Variants in OLR1 observed in about 807,000 individuals in gnomAD.
OLR1 encodes oxidized low density lipoprotein receptor 1, also known as oxidized low-density lipoprotein receptor 1.
OLR1 carries 23 observed loss-of-function variants against 31.7 expected under a neutral mutation model. That is an observed-to-expected ratio of 0.72 (90% confidence interval 0.52 to 1.03). The LOEUF (loss-of-function observed/expected upper bound fraction) is 1.03, where lower values mean the gene tolerates loss of function less well. Ranked by LOEUF, OLR1 falls within the 50% of genes least tolerant of loss-of-function variation. The probability of loss-of-function intolerance (pLI) is 0.00; values close to 1 mark genes in which losing one functional copy is unlikely to be tolerated. For synonymous variants in OLR1, 117 were observed against 115.8 expected (o/e 1.01, Z -0.07); for missense variants, 286 against 315.7 (o/e 0.91, Z 0.71).
chr12:10,166,250 G>A (rs867175877), intron 3 of OLR1, among the ~76,000 whole-genome samples: 2 of 151,906 alleles, frequency 1.3e-5, no homozygotes, highest in Non-Finnish European at 2.9e-5. Context: ...AAAATTGACC[G>A]AGAGCGGTGG....
At chr12:10,161,451 A>G (rs543096070) in intron 3 of OLR1, among the ~76,000 whole-genome samples, 2 of 152,322 alleles carry the variant, frequency 1.3e-5, no homozygotes, top group East Asian at 3.9e-4. Context: ...TTAAAATTTC[A>G]TATCTTTGAA....
At position 10,159,856 on chromosome 12, in the gene OLR1, T is replaced by C. The variant is rs758714127; in HGVS notation, c.*24A>G. ...CCAGAATAAAACTCAAAGACTTTTT[T>C]CTTTTCTTCCAGAGCCTTCAAATTC... On this transcript the variant is annotated 3_prime_UTR_variant, in exon 6 of 6. Transcript: ENST00000309539. The C allele has an allele frequency of 1.9e-6, 3 of 1,578,264 alleles. No individual in the cohort carries two copies. Among genetic ancestry groups the C allele is most frequent in the Non-Finnish European group, 2.6e-6 (3 of 1,160,670 alleles).
chr12:10,160,590 A>T, intron 4 of OLR1, 128 bp from the exon 5 acceptor site: 1 of 975,984 alleles, frequency 1.0e-6, no homozygotes, highest in Non-Finnish European at 1.6e-6. Context: ...TGACTGTTTT[A>T]CGGAAACACT....
upstream of OLR1, among the ~76,000 whole-genome samples, chr12:10,175,925 G>C (rs1948762223): frequency 6.6e-6 from 1 of 152,174 alleles, no homozygotes; most frequent in Admixed American, 6.5e-5. Flanking sequence ...TAAGCAATTT[G>C]TTTGGCTACA....
chr12:10,160,012 G>A lies in OLR1; in HGVS notation c.690C>T (p.Val230=). 6.2e-7 allele frequency: 1 copy of A among 1,603,772 alleles called. No homozygotes were observed. The highest frequency in any genetic ancestry group is 1.1e-5 in the South Asian group (1 of 90,254). The change falls in exon 6 of 6, where the codon GTC becomes GTT. Residue 230 remains valine, a synonymous_variant. Transcript: ENST00000309539. The part of the protein sequence containing the change: ...GSPLMPHLFR[V]RGAVSQTYPS... The stretch of plus-strand genomic sequence containing the variant: ...GGTATGTCTGGGAGACAGCGCCTCG[G>A]ACTCTAAATCTGCAGGTAGGAAAAA...
chr12:10,169,252 G>T, intron 1 of OLR1, 77 bp from the exon 2 acceptor site: 1 of 964,928 alleles, frequency 1.0e-6, no homozygotes, highest in Non-Finnish European at 1.5e-6. Flanking sequence ...GAGCCTGTCT[G>T]TACTTGGTGA....
chr12:10,174,025 C>G (rs533864153), upstream of OLR1, among the ~76,000 whole-genome samples: 4 of 151,560 alleles, frequency 2.6e-5, no homozygotes, highest in African/African-American at 9.7e-5. Flanking sequence ...AGCAATAACT[C>G]CTGTGATGGT....
chr12:10,160,032 G>A lies in OLR1; in HGVS notation c.681-11C>T. 6.3e-7 allele frequency: 1 copy of A among 1,585,546 alleles called. No individual in the cohort carries two copies. The highest frequency in any genetic ancestry group is 8.6e-7 in the Non-Finnish European group (1 of 1,165,144). On this transcript the variant is annotated splice_polypyrimidine_tract_variant and intron_variant, in intron 5 of 5. Coordinates refer to ENST00000309539, the MANE Select transcript of OLR1 (RefSeq NM_002543.4). ...CCTCGGACTCTAAATCTGCAGGTAG[G>A]AAAAAACAAAACAAACCAACAAAAA...
intron 1 of OLR1, among the ~76,000 whole-genome samples, chr12:10,170,107 TA>T (rs1411132895): frequency 6.6e-6 from 1 of 152,224 alleles, no homozygotes; most frequent in African/African-American, 2.4e-5. Flanking sequence ...AACCCAAAAA[TA>T]AGTCTTTAGT....
chr12:10,159,898 T>C lies in OLR1; in HGVS notation c.804A>G (p.Ala268=), dbSNP rs1227908282. The part of the protein sequence containing the change: ...LAAFSICQKK[A]NLRAQ ...TTCAAATTCACTGTGCTCTTAGGTT[T>C]GCCTTCTTCTGACATATACTGAAGG... The change falls in exon 6 of 6, where the codon GCA becomes GCG. Residue 268 remains alanine, a synonymous_variant. Coordinates refer to ENST00000309539, the MANE Select transcript of OLR1 (RefSeq NM_002543.4). The C allele has an allele frequency of 3.1e-6, 5 of 1,612,596 alleles. No individual in the cohort carries two copies. The highest frequency in any genetic ancestry group is 4.2e-6 in the Non-Finnish European group (5 of 1,179,376).
rs1243750059 is a variant in OLR1, at chr12:10,159,794, AT to A, written c.*85del. The stretch of plus-strand genomic sequence containing the variant: ...CTAAATGACAGTTTTCTGGGCTCTC[AT>A]GTTTGGCACCCAAGTGACAAAGAAT... On this transcript the variant is annotated 3_prime_UTR_variant, in exon 6 of 6. Transcript: ENST00000309539. 8.3e-5 allele frequency: 115 copies of A among 1,380,174 alleles called. 2 individuals are homozygous for A. The South Asian group carries it at 1.3e-3, about 16-fold the overall frequency. 85.5% of individuals were successfully genotyped at this position (1,380,174 alleles called of 1,614,324 possible).
chr12:10,160,656 G>C lies in OLR1; in HGVS notation c.564+130C>G, dbSNP rs1565419382. ...TCCGTCCAAGGTCATACACAAAATT[G>C]GTGATCAGACTAAGCTAAAAAAACA... On this transcript the variant is annotated intron_variant, in intron 4 of 5. Coordinates refer to ENST00000309539, the MANE Select transcript of OLR1 (RefSeq NM_002543.4). 5 of 1,208,238 alleles carry C rather than the reference G, an allele frequency of 4.1e-6. No homozygotes were observed. The South Asian group carries it at 7.0e-5, about 17-fold the overall frequency. 74.8% of individuals were successfully genotyped at this position (1,208,238 alleles called of 1,614,324 possible).
At chr12:10,165,248 G>T (rs1192903806) in intron 3 of OLR1, among the ~76,000 whole-genome samples, 3 of 145,176 alleles carry the variant, frequency 2.1e-5, no homozygotes, top group Admixed American at 7.2e-5. Context: ...GGGGGACAGA[G>T]CGAGACTCCC....
At chr12:10,163,678 A>G (rs11829333) in intron 3 of OLR1, among the ~76,000 whole-genome samples, 2,149 of 152,048 alleles carry the variant, frequency 0.014, 49 homozygotes, top group African/African-American at 0.05. Context: ...CACACCTGTA[A>G]TCCTAGCACT....
upstream of OLR1, among the ~76,000 whole-genome samples, chr12:10,175,044 G>A (rs2137535250): frequency 6.6e-6 from 1 of 152,248 alleles, no homozygotes; most frequent in South Asian, 2.1e-4. Context: ...TACAGTCCTT[G>A]TGTGGCAGAT....
chr12:10,159,671 G>A lies in OLR1; in HGVS notation c.*209C>T. On this transcript the variant is annotated 3_prime_UTR_variant, in exon 6 of 6. Coordinates refer to ENST00000309539, the MANE Select transcript of OLR1 (RefSeq NM_002543.4). ...AGGCTGGCAGGGAAGCTTGGGACAA[G>A]CTAGGTGAAATAATACAGGTAGCTA... is the stretch of plus-strand genomic sequence containing the variant. 2.3e-6 allele frequency: 1 copy of A among 440,354 alleles called. No individual in the cohort carries two copies. Among genetic ancestry groups the A allele is most frequent in the East Asian group, 3.3e-5 (1 of 30,500 alleles). The allele number at this position is 440,354 out of a possible 1,614,324, so 27.3% of individuals were successfully genotyped here.
At chr12:10,163,687 C>G (rs1215143052) in intron 3 of OLR1, among the ~76,000 whole-genome samples, 1 of 151,844 alleles carries the variant, frequency 6.6e-6, no homozygotes, top group African/African-American at 2.4e-5. Flanking sequence ...AATCCTAGCA[C>G]TTTAGGAGGC....
At chr12:10,164,892 C>T (rs1251933264) in intron 3 of OLR1, among the ~76,000 whole-genome samples, 1 of 152,152 alleles carries the variant, frequency 6.6e-6, no homozygotes, top group Non-Finnish European at 1.5e-5. Context: ...AAATAGACTT[C>T]TTGGACTCCT....
intron 3 of OLR1, among the ~76,000 whole-genome samples, chr12:10,162,963 G>GAA (rs1948632249): frequency 6.6e-6 from 1 of 151,796 alleles, no homozygotes; most frequent in Non-Finnish European, 1.5e-5. Flanking sequence ...CTTTGTGTGT[G>GAA]TGTGTGTGTG....
Sources: gnomAD v4.1 joint callset for allele counts (sites outside exome capture counted in the v4.1 genomes callset) on GRCh38, gnomAD v4.1.1 for gene constraint, MANE v1.5 for transcripts, NCBI Gene and HGNC (gene_info 2026-07-23, HGNC 2026-07-21) for gene names.